TMEM82: variants seen among roughly 807,000 people sequenced by gnomAD.
The protein encoded by TMEM82 is transmembrane protein 82.
In TMEM82, 30 loss-of-function variants were observed where a neutral mutation model predicts 29.2. That is an observed-to-expected ratio of 1.03 (90% CI 0.77 to 1.39). The LOEUF (loss-of-function observed/expected upper bound fraction) is 1.39, where lower values mean the gene tolerates loss of function less well. Ranked by LOEUF, TMEM82 falls within the 40% of genes most tolerant of loss-of-function variation. The probability of loss-of-function intolerance (pLI) is 0.00; values close to 1 mark genes in which losing one functional copy is unlikely to be tolerated. For synonymous variants in TMEM82, 221 were observed against 225.4 expected, an observed-to-expected ratio of 0.98 and a Z score of 0.18; for missense variants, 442 against 447.7, an observed-to-expected ratio of 0.99 and a Z score of 0.12.
In TMEM82 at chr1:15,746,916, G is replaced by T. The variant is rs1371685052; in HGVS notation, c.807G>T (p.Leu269=). 2 of 1,606,616 alleles carry T rather than the reference G, an allele frequency of 1.2e-6. No individual in the cohort carries two copies. The highest frequency in any genetic ancestry group is 1.7e-6 in the Non-Finnish European group (2 of 1,179,508). The change falls in exon 5 of 6, where the codon CTG becomes CTT. Residue 269 remains leucine, a synonymous_variant. Transcript: ENST00000375782. ...PGLQSQVQTV[L]VRMGGLFVLL... ...TGCAGAGCCAGGTGCAGACGGTGCTGGTGCGCATGGGCGGCCTCTTCGTGC... is the reference window on the plus strand; with the variant it reads ...TGCAGAGCCAGGTGCAGACGGTGCTTGTGCGCATGGGCGGCCTCTTCGTGC...
At chr1:15,746,088 C>A (rs1265534396) in intron 4 of TMEM82, among the ~76,000 whole-genome samples, 1 of 149,998 alleles carries the variant, frequency 6.7e-6, no homozygotes, top group Admixed American at 6.6e-5. Flanking sequence ...GTCGCCCAGG[C>A]TAGAGTGATC....
In TMEM82 at chr1:15,743,136, C is replaced by A; in HGVS notation, c.278C>A (p.Ala93Asp). The A allele has an allele frequency of 6.2e-7, 1 of 1,611,774 alleles. No homozygotes were observed. Among genetic ancestry groups the A allele is most frequent in the Non-Finnish European group, 8.5e-7 (1 of 1,179,898 alleles). The part of the protein sequence containing the change: ...FLTVVGSRVA[A>D]LVVLEFSLRA... ...ACGGTCGTGGGGTCCCGGGTGGCTGCCCTCGTGGTGCTCGAGTTCTCCCTC... is the reference window on the plus strand; with the variant it reads ...ACGGTCGTGGGGTCCCGGGTGGCTGACCTCGTGGTGCTCGAGTTCTCCCTC... Residue 93 changes from alanine (A) to aspartate (D), a missense_variant, in exon 3 of 6, where the codon GCC becomes GAC. Transcript: ENST00000375782.
At position 15,743,240 on chromosome 1, in the gene TMEM82, G is replaced by A. The variant is rs140761544; in HGVS notation, c.336+46G>A. 10,914 of 1,563,422 alleles carry A rather than the reference G, an allele frequency of 7.0e-3. 77 individuals are homozygous for A. The highest frequency in any genetic ancestry group is 0.029 in the Middle Eastern group (139 of 4,800). ...GTGGGTGGATCACTCCCCAGCCCAG[G>A]GCCCGGGCTCACCCCCGGAATGTGG... On this transcript the variant is annotated intron_variant, in intron 3 of 5. Transcript: ENST00000375782.
At position 15,742,912 on chromosome 1, in the gene TMEM82, G is replaced by A; in HGVS notation, c.161+5G>A. 6.2e-7 allele frequency: 1 copy of A among 1,612,758 alleles called. No individual in the cohort carries two copies. Among genetic ancestry groups the A allele is most frequent in the Non-Finnish European group, 8.5e-7 (1 of 1,179,902 alleles). On this transcript the variant is annotated splice_donor_5th_base_variant and intron_variant, in intron 2 of 5. Transcript: ENST00000375782. ...CTTCTTCGTGGGCTGTGCCAAGTGA[G>A]TGCCCACCTCATCCCCCCAGGGAAT... is the stretch of plus-strand genomic sequence containing the variant.
intron 3 of TMEM82, 140 bp downstream of exon 3, chr1:15,743,334 G>T: frequency 2.7e-6 from 3 of 1,114,932 alleles, no homozygotes; most frequent in Non-Finnish European, 3.7e-6. Context: ...AACAGAGGCT[G>T]CAGGTTGCAC....
Position 15,744,771 on chromosome 1 carries a change from T to C in TMEM82, c.757+191T>C, listed in dbSNP as rs1312786292. ...GCACCCTGAGGTTGTAGTCTTTAGATTGGGCTTTGAAGGATGAGCAGGAGA... is the reference window on the plus strand; with the variant it reads ...GCACCCTGAGGTTGTAGTCTTTAGACTGGGCTTTGAAGGATGAGCAGGAGA... On this transcript the variant is annotated intron_variant, in intron 4 of 5. Coordinates refer to ENST00000375782, the MANE Select transcript of TMEM82 (RefSeq NM_001013641.3). This position sits in a 1 kb window ranked among gnomAD's most constrained non-coding sequence, Gnocchi z 5.2. Among the ~76,000 whole-genome samples, 2 of 152,138 alleles carry C rather than the reference T, an allele frequency of 1.3e-5. No individual in the cohort carries two copies. Among genetic ancestry groups the C allele is most frequent in the African/African-American group, 4.8e-5 (2 of 41,430 alleles).
rs61740067 is a variant in TMEM82 at position 15,743,169 on chromosome 1, T to C, written c.311T>C (p.Val104Ala). ...GTGCTCGAGTTCTCCCTCCGGGCCG[T>C]GTCCACGCTGCTGTCCCTGGGCAAG... is the stretch of plus-strand genomic sequence containing the variant. Reference protein sequence around the residue: ...LVVLEFSLRAVSTLLSLGKGS... With the variant: ...LVVLEFSLRAASTLLSLGKGS... The change falls in exon 3 of 6, where the codon GTG (valine) becomes GCG (alanine). Residue 104 changes from valine (V) to alanine (A), a missense_variant. Coordinates refer to ENST00000375782, the MANE Select transcript of TMEM82 (RefSeq NM_001013641.3). 3.4e-3 allele frequency: 5,486 copies of C among 1,609,308 alleles called. 155 individuals carry two copies. The African/African-American group carries it at 0.063, about 18-fold the overall frequency.
In TMEM82 at chr1:15,744,405, G is replaced by A. The variant is rs2068318199; in HGVS notation, c.582G>A (p.Leu194=). The change falls in exon 4 of 6, where the codon CTG becomes CTA. Residue 194 remains leucine, a synonymous_variant. Transcript: ENST00000375782. The surrounding 1 kb of genome is among the most constrained non-coding windows in gnomAD (Gnocchi z 5.2). ...QRYCGVCLGL[L]AHAHGLPQLL... The stretch of plus-strand genomic sequence containing the variant: ...ACTGTGGGGTGTGCCTGGGCCTGCT[G>A]GCCCATGCACATGGCCTCCCCCAGC... 3 of 1,581,870 alleles carry A rather than the reference G, an allele frequency of 1.9e-6. No homozygotes were observed. In the Admixed American group the frequency reaches 5.4e-5, roughly 29 times the overall value.
Position 15,742,596 on chromosome 1 carries a change from G to A in TMEM82, c.37G>A (p.Gly13Ser), listed in dbSNP as rs1235776855. Residue 13 changes from glycine (G) to serine (S), a missense_variant, in exon 1 of 6, where the codon GGC becomes AGC. Gly to Ser is a moderately conservative substitution (Grantham distance 56). Transcript: ENST00000375782. The part of the protein sequence containing the change: ...SLPSLPSWLP[G>S]LPSLEWGSSL... ...TCCATCCCTCCCCTCCTGGCTCCCC[G>A]GCCTCCCCTCCCTCGAGTGGGGCTC... is the stretch of plus-strand genomic sequence containing the variant. 19 of 1,602,708 alleles carry A rather than the reference G, an allele frequency of 1.2e-5. No individual in the cohort carries two copies. The highest frequency in any genetic ancestry group is 3.4e-5 in the Admixed American group (2 of 58,662).
intron 3 of TMEM82, among the ~76,000 whole-genome samples, chr1:15,743,578 C>G (rs995696695): frequency 7.2e-5 from 11 of 152,236 alleles, no homozygotes; most frequent in Non-Finnish European, 1.6e-4. Context: ...CTATGGTCAA[C>G]AGATAGAGTC....
At chr1:15,747,503 G>A (rs1046930237) in intron 5 of TMEM82, 43 bp from the exon 6 acceptor site, 7 of 1,563,310 alleles carry the variant, frequency 4.5e-6, no homozygotes, top group East Asian at 2.2e-5. Flanking sequence ...GCCCGCAGGG[G>A]GATGGGTGAA....
chr1:15,746,806 G>T, intron 4 of TMEM82, 61 bp from the exon 5 acceptor site: 1 of 1,441,544 alleles, frequency 6.9e-7, no homozygotes, highest in South Asian at 1.3e-5. Context: ...GTGGGTCAGG[G>T]AGCAGGGAGG....
chr1:15,743,954 GA>G (rs2068312723), intron 3 of TMEM82, among the ~76,000 whole-genome samples: 1 of 151,586 alleles, frequency 6.6e-6, no homozygotes, highest in Non-Finnish European at 1.5e-5. Context: ...GACAGAGCAA[GA>G]CTCTGTCTAA....
intron 2 of TMEM82, 45 bp downstream of exon 2, chr1:15,742,952 G>A (rs1334686166): frequency 7.5e-6 from 12 of 1,607,204 alleles, no homozygotes; most frequent in East Asian, 2.2e-5. Flanking sequence ...CTGGGGGCAC[G>A]GGGACCCCCA....
rs765736826 is a variant in TMEM82, at chr1:15,747,535, C to T, written c.946-11C>T. 21 of 1,613,348 alleles carry T rather than the reference C, an allele frequency of 1.3e-5. No individual in the cohort carries two copies. The highest frequency in any genetic ancestry group is 1.5e-5 in the Non-Finnish European group (18 of 1,179,448). ...TGAATGGGTGGTGTCATTCTCAACG[C>T]TTTTCCTCAGGATTTTCCATCCCAG... On this transcript the variant is annotated splice_polypyrimidine_tract_variant and intron_variant, in intron 5 of 5. Transcript: ENST00000375782.
intron 4 of TMEM82, among the ~76,000 whole-genome samples, chr1:15,745,050 G>GTTTTT (rs1173523179): frequency 2.6e-5 from 4 of 152,094 alleles, no homozygotes; most frequent in Non-Finnish European, 1.5e-5. Context: ...GTTTTGTTTT[G>GTTTTT]CTTTTCTGTT....
intron 4 of TMEM82, among the ~76,000 whole-genome samples, chr1:15,746,040 T>C (rs1158336743): frequency 2.7e-5 from 4 of 150,286 alleles, no homozygotes; most frequent in African/African-American, 9.9e-5. Context: ...CAGGGTTTTT[T>C]TTTGTTGTTG....
At position 15,742,842 on chromosome 1, in the gene TMEM82, C is replaced by G. The variant is rs560188133; in HGVS notation, c.96C>G (p.Ile32Met). The G allele has an allele frequency of 2.0e-5, 33 of 1,612,634 alleles. No individual in the cohort carries two copies. Among genetic ancestry groups the G allele is most frequent in the African/African-American group, 2.7e-5 (2 of 75,034 alleles). The change falls in exon 2 of 6, where the codon ATC becomes ATG. Residue 32 changes from isoleucine (I) to methionine (M), a missense_variant. Coordinates refer to ENST00000375782, the MANE Select transcript of TMEM82 (RefSeq NM_001013641.3). ...SLLDSLLQGL[I>M]GALGVLVLNS... ...TCCCTCCCGCCCCCTCAGGCCTGAT[C>G]GGGGCCCTTGGAGTCTTGGTCCTGA...
chr1:15,744,201 G>A lies in TMEM82; in HGVS notation c.378G>A (p.Leu126=). 1 of 1,590,830 alleles carries A rather than the reference G, an allele frequency of 6.3e-7. No individual in the cohort carries two copies. The highest frequency in any genetic ancestry group is 2.3e-5 in the East Asian group (1 of 44,400). The stretch of plus-strand genomic sequence containing the variant: ...CCGAGAGGCTGCAGCTCTACCTGCT[G>A]TGCCAGTACTCGCTGGGCTGCGGGC... ...GAAERLQLYL[L]CQYSLGCGLT... The change falls in exon 4 of 6, where the codon CTG becomes CTA. Residue 126 remains leucine, a synonymous_variant. Transcript: ENST00000375782. This position sits in a 1 kb window ranked among gnomAD's most constrained non-coding sequence, Gnocchi z 5.2.
Sources: gnomAD v4.1 joint callset for allele counts (sites outside exome capture counted in the v4.1 genomes callset) on GRCh38, gnomAD v4.1.1 for gene constraint, Gnocchi (gnomAD v3.1) non-coding constraint, MANE v1.5 for transcripts, NCBI Gene and HGNC (gene_info 2026-07-23, HGNC 2026-07-21) for gene names.